IL4R: variants seen among roughly 807,000 people sequenced by gnomAD.
IL4R encodes the protein interleukin-4 receptor subunit alpha.
A neutral mutation model predicts 41.5 loss-of-function variants in IL4R; 17 were observed. The observed-to-expected ratio is 0.41, with a 90% confidence interval of 0.28 to 0.61. IL4R has a LOEUF of 0.61. IL4R is among the 20% of genes least tolerant of loss of function. The probability of loss-of-function intolerance (pLI) is 0.31; values close to 1 mark genes in which losing one functional copy is unlikely to be tolerated. For missense variants in IL4R, 974 were observed against 1,043.1 expected, an observed-to-expected ratio of 0.93 and a Z score of 0.91; for synonymous variants, 402 against 422.9, an observed-to-expected ratio of 0.95 and a Z score of 0.61.
intron 1 of IL4R, among the ~76,000 whole-genome samples, chr16:27,317,853 C>T (rs967766458): frequency 6.6e-6 from 1 of 152,318 alleles, no homozygotes; most frequent in East Asian, 1.9e-4. Flanking sequence ...CCTTGGAAGG[C>T]GCTCAGTGAT....
chr16:27,314,747 C>T (rs191247688), intron 1 of IL4R, among the ~76,000 whole-genome samples: 227 of 152,236 alleles, frequency 1.5e-3, no homozygotes, highest in Non-Finnish European at 2.9e-3. Context: ...TGAGGAGCCC[C>T]CACAATAACC....
At chr16:27,332,576 C>T (rs184405687) in intron 2 of IL4R, among the ~76,000 whole-genome samples, 37 of 152,038 alleles carry the variant, frequency 2.4e-4, no homozygotes, top group African/African-American at 7.7e-4. Flanking sequence ...TTTTTTGATT[C>T]GCCTAGGTAG....
At position 27,346,084 on chromosome 16, in the gene IL4R, C is replaced by T. The variant is rs574799320; in HGVS notation, c.362-383C>T. Among the ~76,000 whole-genome samples the T allele has an allele frequency of 9.2e-5, 14 of 151,418 alleles. No individual in the cohort carries two copies. In the East Asian group the frequency reaches 2.8e-3, roughly 30 times the overall value. On this transcript the variant is annotated intron_variant, in intron 5 of 10. Transcript: ENST00000395762. ...AGAAAGGTGGTTAGTAAAGACCAGG[C>T]GCGGTGGCTCATGCCTGGAATCCCA... is the stretch of plus-strand genomic sequence containing the variant.
At chr16:27,361,905 CCA>C (rs2086303300) in intron 10 of IL4R, among the ~76,000 whole-genome samples, 1 of 152,158 alleles carries the variant, frequency 6.6e-6, no homozygotes. Flanking sequence ...CAGGCGTGAG[CCA>C]CCGCACCCGG....
chr16:27,347,585 C>A (rs1164139202), intron 6 of IL4R, among the ~76,000 whole-genome samples: 1 of 152,202 alleles, frequency 6.6e-6, no homozygotes, highest in Middle Eastern at 3.2e-3. Flanking sequence ...AGGGGCCGTC[C>A]ACAGTGGGTG....
At chr16:27,362,221 A>G in intron 10 of IL4R, 31 bp from the exon 11 acceptor site, 1 of 1,605,162 alleles carries the variant, frequency 6.2e-7, no homozygotes, top group Non-Finnish European at 8.5e-7. Flanking sequence ...AAGTGTCGAA[A>G]CTGAACCCTG....
chr16:27,345,326 T>C lies in IL4R; in HGVS notation c.361+306T>C, dbSNP rs551961479. 41 of 489,328 alleles carry C rather than the reference T, an allele frequency of 8.4e-5. No individual in the cohort carries two copies. Among genetic ancestry groups the C allele is most frequent in the South Asian group, 7.0e-4 (41 of 58,612 alleles). The allele number at this position is 489,328 out of a possible 1,614,324, so 30.3% of individuals were successfully genotyped here. On this transcript the variant is annotated intron_variant, in intron 5 of 10. Transcript: ENST00000395762. The surrounding 1 kb of genome is among the most constrained non-coding windows in gnomAD (Gnocchi z 4.5). ...GCTGGAAGGCATGCCTGCTGCTGAT[T>C]GAAAACCGAACTGGGAACATTCCTT...
rs529668380 is a variant in IL4R, at chr16:27,355,829, A to G, written c.692A>G (p.Gln231Arg). The change falls in exon 8 of 11, where the codon CAG becomes CGG. Residue 231 changes from glutamine to arginine, a missense_variant. Gln to Arg is a conservative substitution (Grantham distance 43). Transcript: ENST00000395762. Reference protein sequence around the residue: ...WHNSYREPFEQHLLLGVSVSC... With the variant: ...WHNSYREPFERHLLLGVSVSC... ...CCAGCCTACAGGGAGCCCTTCGAGC[A>G]GCACCTCCTGCTGGGCGTCAGCGTT... 1 of 1,613,514 alleles carries G rather than the reference A, an allele frequency of 6.2e-7. No individual in the cohort carries two copies. Among genetic ancestry groups the G allele is most frequent in the Non-Finnish European group, 8.5e-7 (1 of 1,179,840 alleles).
chr16:27,329,833 C>A (rs569128540), intron 1 of IL4R, among the ~76,000 whole-genome samples: 50 of 152,052 alleles, frequency 3.3e-4, no homozygotes, highest in African/African-American at 1.2e-3. Flanking sequence ...AAACAGGGTG[C>A]TGTGATAAGA....
chr16:27,329,719 A>G (rs1038138957), intron 1 of IL4R, among the ~76,000 whole-genome samples: 6 of 151,872 alleles, frequency 4.0e-5, no homozygotes, highest in African/African-American at 1.5e-4. Flanking sequence ...AACATTTTGC[A>G]GTCAAAGCTA....
At chr16:27,332,839 G>T (rs1190059726) in intron 2 of IL4R, among the ~76,000 whole-genome samples, 1 of 151,624 alleles carries the variant, frequency 6.6e-6, no homozygotes, top group Non-Finnish European at 1.5e-5. Flanking sequence ...CTTTTGCTAC[G>T]TCTCACCGAT....
At chr16:27,318,534 A>T (rs1346968312) in intron 1 of IL4R, 1 of 152,252 alleles carries the variant, frequency 6.6e-6, no homozygotes, top group African/African-American at 2.4e-5. Flanking sequence ...CTCATTCTGC[A>T]TGCACAGTTC....
chr16:27,317,785 T>C (rs2084690073), intron 1 of IL4R, among the ~76,000 whole-genome samples: 1 of 152,186 alleles, frequency 6.6e-6, no homozygotes, highest in South Asian at 2.1e-4. Context: ...CTCCCTTTGT[T>C]TTGTCATGGG....
Position 27,362,922 on chromosome 16 carries a change from G to C in IL4R, c.1570G>C (p.Glu524Gln). 6.2e-7 allele frequency: 1 copy of C among 1,614,134 alleles called. No individual in the cohort carries two copies. ...AGACCCACTGCTGGCCAGACACCTG[G>C]AGGAAGTAGAACCCGAGATGCCCTG... is the stretch of plus-strand genomic sequence containing the variant. ...GPDPLLARHL[E>Q]EVEPEMPCVP... The change falls in exon 11 of 11, where the codon GAG becomes CAG. Residue 524 changes from glutamate to glutamine, a missense_variant. By Grantham distance (29) the Glu-to-Gln change is conservative (BLOSUM62 2). Transcript: ENST00000395762.
intron 9 of IL4R, 90 bp from the exon 10 acceptor site, chr16:27,360,676 C>A: frequency 6.6e-7 from 1 of 1,507,046 alleles, no homozygotes; most frequent in South Asian, 1.1e-5. Flanking sequence ...TGTGTGATGT[C>A]GAGGCTTGTA....
intron 1 of IL4R, among the ~76,000 whole-genome samples, chr16:27,327,750 C>A (rs938591186): frequency 7.9e-5 from 12 of 152,114 alleles, no homozygotes; most frequent in African/African-American, 2.9e-4. Context: ...GTGCCTCAGT[C>A]TTCTCATCAG....
chr16:27,346,154 T>C (rs993018116), intron 5 of IL4R, among the ~76,000 whole-genome samples: 1 of 148,616 alleles, frequency 6.7e-6, no homozygotes, highest in Non-Finnish European at 1.5e-5. Context: ...AGCCCTGGGC[T>C]ATTGAGGCTG....
At chr16:27,314,929 C>T (rs2084594790) in intron 1 of IL4R, among the ~76,000 whole-genome samples, 1 of 152,156 alleles carries the variant, frequency 6.6e-6, no homozygotes, top group African/African-American at 2.4e-5. Context: ...CCACCTCGGC[C>T]TCCCAAAATG....
intron 7 of IL4R, 25 bp from the exon 8 acceptor site, chr16:27,355,783 T>C: frequency 6.4e-7 from 1 of 1,550,886 alleles, no homozygotes; most frequent in East Asian, 2.2e-5. Context: ...TGACCTCAGC[T>C]CATGGCTTCC....
Sources: allele counts gnomAD v4.1 joint callset (sites outside exome capture counted in the v4.1 genomes callset), GRCh38; gene constraint gnomAD v4.1.1; non-coding constraint Gnocchi (gnomAD v3.1); transcripts MANE v1.5; gene names NCBI Gene and HGNC (gene_info 2026-07-23, HGNC 2026-07-21).